Variants in SYF2 observed in about 807,000 individuals in gnomAD.
SYF2 encodes pre-mRNA-splicing factor SYF2.
In SYF2, 21 loss-of-function variants were observed where a neutral mutation model predicts 32.7. The observed-to-expected ratio is 0.64, with a 90% CI of 0.45 to 0.92. The LOEUF (loss-of-function observed/expected upper bound fraction) is 0.92. Ranked by LOEUF, SYF2 falls within the 40% of genes least tolerant of loss-of-function variation. SYF2 has a pLI of 0.00. For missense variants in SYF2, 278 were observed against 296.5 expected, an observed-to-expected ratio of 0.94 and a Z score of 0.46; for synonymous variants, 114 against 103.9, an observed-to-expected ratio of 1.10 and a Z score of -0.59.
At chr1:25,231,972 C>A (rs1199314553) in intron 2 of SYF2, 132 bp downstream of exon 2, 1 of 917,622 alleles carries the variant, frequency 1.1e-6, no homozygotes, top group Admixed American at 2.0e-5. Flanking sequence ...TACCACCGAA[C>A]AGAGCTTTCC....
At chr1:25,228,286 T>C (rs776788602) in intron 3 of SYF2, 51 bp from the exon 4 acceptor site, 8 of 1,397,862 alleles carry the variant, frequency 5.7e-6, no homozygotes, top group East Asian at 4.6e-5. Flanking sequence ...ATGCAATAAT[T>C]TGATCTACTT....
intron 5 of SYF2, among the ~76,000 whole-genome samples, chr1:25,226,135 G>A (rs1486208773): frequency 2.0e-5 from 3 of 151,458 alleles, no homozygotes; most frequent in African/African-American, 7.3e-5. Flanking sequence ...GCGACAGAGC[G>A]AGATTCTATC....
At position 25,227,459 on chromosome 1, in the gene SYF2, C is replaced by T; in HGVS notation, c.450G>A (p.Glu150=). Residue 150 remains glutamate (E), a synonymous_variant, in exon 5 of 7, where the codon GAG becomes GAA. Transcript: ENST00000236273. The part of the protein sequence containing the change: ...KQIKPDMETY[E]RLREKHGEEF... Reference sequence around the variant, plus strand: ...GGACTTACTGTTTTTCTCTCAGTCTCTCATATGTTTCCATGTCAGGTTTGA... The same window carrying T: ...GGACTTACTGTTTTTCTCTCAGTCTTTCATATGTTTCCATGTCAGGTTTGA... The T allele has an allele frequency of 1.2e-6, 2 of 1,613,770 alleles. No individual in the cohort carries two copies. Among genetic ancestry groups the T allele is most frequent in the Non-Finnish European group, 1.7e-6 (2 of 1,179,916 alleles).
At chr1:25,223,608 A>C (rs1417231143) in intron 6 of SYF2, among the ~76,000 whole-genome samples, 177 bp from the exon 7 acceptor site, 1 of 152,228 alleles carries the variant, frequency 6.6e-6, no homozygotes, top group Non-Finnish European at 1.5e-5. Flanking sequence ...ACAACTCAGA[A>C]TATGAACTGT....
In SYF2 at chr1:25,225,017, A is replaced by T; in HGVS notation, c.551T>A (p.Ile184Lys). ...PSTEEIDRMV[I>K]DLEKQIEKRD... Reference sequence around the variant, plus strand: ...GAATACTTACTGTTTTTCCAGATCTATGACCATCCTGTCAATTTCCTCTGT... The same window carrying T: ...GAATACTTACTGTTTTTCCAGATCTTTGACCATCCTGTCAATTTCCTCTGT... Residue 184 changes from isoleucine (I) to lysine (K), a missense_variant, in exon 6 of 7, where the codon ATA becomes AAA. Transcript: ENST00000236273. 1.2e-6 allele frequency: 2 copies of T among 1,613,488 alleles called. No homozygotes were observed. The highest frequency in any genetic ancestry group is 1.7e-6 in the Non-Finnish European group (2 of 1,179,424).
intron 6 of SYF2, 81 bp from the exon 7 acceptor site, chr1:25,223,512 A>T: frequency 1.4e-6 from 2 of 1,423,128 alleles, no homozygotes; most frequent in Non-Finnish European, 1.9e-6. Flanking sequence ...CAGGAATATA[A>T]TCACGTTTAG....
chr1:25,229,729 T>C (rs937424860), intron 2 of SYF2, among the ~76,000 whole-genome samples: 2 of 150,882 alleles, frequency 1.3e-5, no homozygotes, highest in East Asian at 3.9e-4. Flanking sequence ...CAGCTGAGAT[T>C]GCACTACTGC....
Position 25,232,141 on chromosome 1 carries a change from T to C in SYF2, c.95A>G (p.Gln32Arg). Residue 32 changes from glutamine to arginine, a missense_variant, in exon 2 of 7, where the codon CAG becomes CGG. Transcript: ENST00000236273. ...CAGCTCCCGGAATTTGCGCAGTCTC[T>C]GTTCGCGCTTCTGAGCGGCCAGCTC... ...AAELAAQKRE[Q>R]RLRKFRELHL... 1 of 1,614,072 alleles carries C rather than the reference T, an allele frequency of 6.2e-7. No individual in the cohort carries two copies. The highest frequency in any genetic ancestry group is 8.5e-7 in the Non-Finnish European group (1 of 1,180,016).
intron 6 of SYF2, among the ~76,000 whole-genome samples, chr1:25,224,158 C>G (rs1313458776): frequency 6.6e-6 from 1 of 151,744 alleles, no homozygotes; most frequent in South Asian, 2.1e-4. Context: ...CGTGACACTG[C>G]GCTCCAGCCT....
At chr1:25,230,646 G>C (rs1311563388) in intron 2 of SYF2, 1 of 152,148 alleles carries the variant, frequency 6.6e-6, no homozygotes, top group Non-Finnish European at 1.5e-5. Flanking sequence ...ACAAAGTTGA[G>C]TCTGTTGCAC....
chr1:25,226,533 C>T (rs1175414134), intron 5 of SYF2, among the ~76,000 whole-genome samples: 1 of 152,248 alleles, frequency 6.6e-6, no homozygotes, highest in East Asian at 1.9e-4. Flanking sequence ...CCAACCCCAG[C>T]ACTAAAGCAT....
rs763804826 is a variant in SYF2, at chr1:25,232,481, T to A, written c.-14A>T. 14 of 1,614,010 alleles carry A rather than the reference T, an allele frequency of 8.7e-6. No homozygotes were observed. Among genetic ancestry groups the A allele is most frequent in the Admixed American group, 1.7e-5 (1 of 59,992 alleles). On this transcript the variant is annotated 5_prime_UTR_variant, in exon 1 of 7. Coordinates refer to ENST00000236273, the MANE Select transcript of SYF2 (RefSeq NM_015484.5). ...TATAGCCGCCATCACAACCTTTCTC[T>A]CTTCCCACTTCCGGCAACAAGATAG...
chr1:25,229,116 G>A lies in SYF2; in HGVS notation c.140C>T (p.Ala47Val), dbSNP rs1029903211. The A allele has an allele frequency of 6.2e-7, 1 of 1,611,436 alleles. No individual in the cohort carries two copies. Among genetic ancestry groups the A allele is most frequent in the Non-Finnish European group, 8.5e-7 (1 of 1,179,376 alleles). Reference sequence around the variant, plus strand: ...AACTTCCTGGTGATTTAATTTACGAGCTTCATTCTAAAACCGTAACACAAG... The same window carrying A: ...AACTTCCTGGTGATTTAATTTACGAACTTCATTCTAAAACCGTAACACAAG... ...FRELHLMRNEARKLNHQEVVE... is the reference protein window; with the variant it reads ...FRELHLMRNEVRKLNHQEVVE... Residue 47 changes from alanine to valine, a missense_variant, in exon 3 of 7, where the codon GCT (alanine) becomes GTT (valine). Ala to Val is a moderately conservative substitution (Grantham distance 64). Transcript: ENST00000236273.
intron 6 of SYF2, among the ~76,000 whole-genome samples, chr1:25,224,108 C>T (rs763554709): frequency 7.9e-5 from 12 of 151,954 alleles, no homozygotes; most frequent in African/African-American, 2.4e-4. Context: ...GCAAGAGAAT[C>T]GCTTGAAACT....
intron 6 of SYF2, 79 bp downstream of exon 6, chr1:25,224,923 C>T (rs1465606776): frequency 1.1e-5 from 11 of 1,016,628 alleles, no homozygotes; most frequent in African/African-American, 1.6e-5. Context: ...ATTCTAAGCA[C>T]GTCAGATATA....
At chr1:25,228,058 A>C (rs1638548807) in intron 4 of SYF2, 60 bp downstream of exon 4, 3 of 1,410,508 alleles carry the variant, frequency 2.1e-6, no homozygotes, top group African/African-American at 2.8e-5. Flanking sequence ...TTGAAACCAG[A>C]AACAATGAAG....
Position 25,228,243 on chromosome 1 carries a change from G to A in SYF2, c.259-8C>T. On this transcript the variant is annotated splice_polypyrimidine_tract_variant and splice_region_variant and intron_variant, in intron 3 of 6. Transcript: ENST00000236273. ...TCCTCTTGCCGCACATTCCTAAAAA[G>A]AAGAAAAAAGCTGACACCTACAATT... 1 of 1,603,668 alleles carries A rather than the reference G, an allele frequency of 6.2e-7. No individual in the cohort carries two copies. The highest frequency in any genetic ancestry group is 8.5e-7 in the Non-Finnish European group (1 of 1,176,618).
At chr1:25,228,380 G>C in intron 3 of SYF2, 145 bp from the exon 4 acceptor site, 2 of 728,082 alleles carry the variant, frequency 2.7e-6, no homozygotes, top group Non-Finnish European at 4.4e-6. Flanking sequence ...TGTCACGCAG[G>C]CTGGAGTGCA....
At position 25,228,998 on chromosome 1, in the gene SYF2, C is replaced by T. The variant is rs753291960; in HGVS notation, c.258G>A (p.Lys86=). Residue 86 remains lysine, a splice_region_variant and synonymous_variant, in exon 3 of 7, where the codon AAG becomes AAA. Transcript: ENST00000236273. The stretch of plus-strand genomic sequence containing the variant: ...TTATGAAGATAGAATAGTTCCTAAC[C>T]TTTTTCTTTTCCTCTTCCTTTAGTT... ...EWELKEEEKK[K]ECAARGEDYE... 6.2e-7 allele frequency: 1 copy of T among 1,611,264 alleles called. No individual in the cohort carries two copies. Among genetic ancestry groups the T allele is most frequent in the African/African-American group, 1.3e-5 (1 of 74,588 alleles).
Sources: allele counts gnomAD v4.1 joint callset (sites outside exome capture counted in the v4.1 genomes callset), GRCh38; gene constraint gnomAD v4.1.1; transcripts MANE v1.5; gene names NCBI Gene and HGNC (gene_info 2026-07-23, HGNC 2026-07-21).